TG: variants seen among roughly 807,000 people sequenced by gnomAD.
The protein encoded by TG is thyroglobulin, also known as thyroid hormones.
Under a neutral mutation model 324.7 loss-of-function variants are expected in TG, and 270 were observed. The ratio of observed to expected loss-of-function variants is 0.83; its 90% CI spans 0.75 to 0.92. The LOEUF is 0.92. Ranked by LOEUF, TG falls within the 40% of genes least tolerant of loss-of-function variation. The probability of loss-of-function intolerance (pLI) is 0.00; values close to 1 mark genes in which losing one functional copy is unlikely to be tolerated. For synonymous variants in TG, 1,401 were observed against 1,327.0 expected, an observed-to-expected ratio of 1.06 and a Z score of -1.21; for missense variants, 3,591 against 3,456.4, an observed-to-expected ratio of 1.04 and a Z score of -0.98.
intron 23 of TG, among the ~76,000 whole-genome samples, chr8:132,931,194 T>A (rs1326029828): frequency 6.6e-6 from 1 of 152,248 alleles, no homozygotes; most frequent in Non-Finnish European, 1.5e-5. Context: ...TATGTGTCTG[T>A]ATCCTAATCT....
At chr8:132,890,412 C>G (rs1816068747) in intron 10 of TG, among the ~76,000 whole-genome samples, 1 of 152,070 alleles carries the variant, frequency 6.6e-6, no homozygotes, top group Non-Finnish European at 1.5e-5. Context: ...GGGTTTGATA[C>G]TCAAAGTGTG....
At chr8:133,131,388 T>A (rs2130394719) in intron 45 of TG, among the ~76,000 whole-genome samples, 1 of 152,270 alleles carries the variant, frequency 6.6e-6, no homozygotes, top group South Asian at 2.1e-4. Context: ...AGAGTGTGAG[T>A]TGTATATGAA....
chr8:132,871,573 C>A, intron 4 of TG, 22 bp downstream of exon 4: 1 of 1,610,076 alleles, frequency 6.2e-7, no homozygotes, highest in Non-Finnish European at 8.5e-7. Context: ...TGAGCGCCTG[C>A]ACCCCTAGAG....
intron 26 of TG, among the ~76,000 whole-genome samples, chr8:132,942,650 C>G (rs1012057111): frequency 1.3e-5 from 2 of 152,146 alleles, no homozygotes. Flanking sequence ...CTCATTTATT[C>G]ATCGCTGCTG....
At chr8:132,883,142 C>T in intron 8 of TG, 143 bp downstream of exon 8, 2 of 825,686 alleles carry the variant, frequency 2.4e-6, no homozygotes, top group Non-Finnish European at 3.7e-6. Flanking sequence ...TGTCTGAGAA[C>T]CAGTTTATCA....
intron 43 of TG, among the ~76,000 whole-genome samples, chr8:133,112,503 A>G (rs993372833): frequency 6.6e-6 from 1 of 151,938 alleles, no homozygotes; most frequent in Non-Finnish European, 1.5e-5. Context: ...CAACACCAGA[A>G]CAAGGAAGGA....
chr8:133,005,094 G>C (rs1441936465), intron 35 of TG, among the ~76,000 whole-genome samples: 3 of 152,178 alleles, frequency 2.0e-5, no homozygotes, highest in South Asian at 2.1e-4. Context: ...GACAGTAATG[G>C]CTTCATTTTG....
chr8:133,080,305 C>T (rs979097325), intron 41 of TG, among the ~76,000 whole-genome samples: 2 of 152,162 alleles, frequency 1.3e-5, no homozygotes, highest in African/African-American at 4.8e-5. Context: ...AGTCTTTCCA[C>T]TCACTCTATG....
intron 25 of TG, among the ~76,000 whole-genome samples, chr8:132,939,799 C>T (rs1236874645): frequency 2.6e-5 from 4 of 152,152 alleles, no homozygotes; most frequent in South Asian, 4.2e-4. Flanking sequence ...GCCTCAGCCT[C>T]CTGAGTAGCT....
Position 133,134,657 on chromosome 8 carries a change from C to T in TG, c.8189-19C>T. The T allele has an allele frequency of 6.2e-7, 1 of 1,610,632 alleles. No individual in the cohort carries two copies. Among genetic ancestry groups the T allele is most frequent in the Non-Finnish European group, 8.5e-7 (1 of 1,176,970 alleles). ...TCCTAATCTGGCTTGGACCAACCTT[C>T]CTTGCCCCTCTGTTTCAGATGGAGC... On this transcript the variant is annotated intron_variant, in intron 47 of 47. Coordinates refer to ENST00000220616, the MANE Select transcript of TG (RefSeq NM_003235.5).
chr8:133,033,347 A>C (rs1836805100), intron 41 of TG, among the ~76,000 whole-genome samples: 1 of 152,178 alleles, frequency 6.6e-6, no homozygotes, highest in Admixed American at 6.5e-5. Flanking sequence ...ACCCGTCCTG[A>C]GGCCAGGCTG....
chr8:133,069,468 A>C (rs1350470275), intron 41 of TG, among the ~76,000 whole-genome samples: 1 of 152,058 alleles, frequency 6.6e-6, no homozygotes, highest in African/African-American at 2.4e-5. Context: ...GATCTCCATG[A>C]TGTTTTTAAT....
intron 26 of TG, among the ~76,000 whole-genome samples, chr8:132,947,262 G>A (rs527980323): frequency 3.3e-5 from 5 of 152,048 alleles, no homozygotes; most frequent in African/African-American, 9.7e-5. Context: ...AATGCACCCC[G>A]CCCCATACAC....
Position 132,867,005 on chromosome 8 carries a change from C to G in TG, c.5C>G (p.Ala2Gly). The G allele has an allele frequency of 6.3e-7, 1 of 1,594,818 alleles. No homozygotes were observed. The highest frequency in any genetic ancestry group is 8.6e-7 in the Non-Finnish European group (1 of 1,169,050). ...CTCCCAGGAAGGGCCAGGAAAATGG[C>G]CCTGGTCCTGGAGATCTTCACCCTG... MALVLEIFTLLA... is the reference protein window; with the variant it reads MGLVLEIFTLLA... The change falls in exon 1 of 48, where the codon GCC (alanine) becomes GGC (glycine). Residue 2 changes from alanine (A) to glycine (G), a missense_variant. Physicochemically the swap from Ala to Gly is moderately conservative, Grantham distance 60 (BLOSUM62 0). Coordinates refer to ENST00000220616, the MANE Select transcript of TG (RefSeq NM_003235.5).
intron 45 of TG, among the ~76,000 whole-genome samples, chr8:133,125,734 G>C (rs924554193): frequency 6.6e-6 from 1 of 152,164 alleles, no homozygotes; most frequent in Admixed American, 6.6e-5. Context: ...GGCTGAGTGC[G>C]CGCTAGGACA....
At chr8:132,937,737 C>T (rs1043258338) in intron 25 of TG, among the ~76,000 whole-genome samples, 2 of 148,898 alleles carry the variant, frequency 1.3e-5, no homozygotes, top group Non-Finnish European at 3.0e-5. Context: ...TTAAAAAATG[C>T]AATTGTATTT....
At chr8:133,018,891 G>A (rs1835303519) in intron 38 of TG, among the ~76,000 whole-genome samples, 1 of 152,200 alleles carries the variant, frequency 6.6e-6, no homozygotes, top group Non-Finnish European at 1.5e-5. Flanking sequence ...GGTGATAAGG[G>A]CTTCAGCTAG....
rs1828603085 is a variant in TG at position 132,966,612 on chromosome 8, T to C, written c.5601T>C (p.Asn1867=). 1 of 1,614,124 alleles carries C rather than the reference T, an allele frequency of 6.2e-7. No homozygotes were observed. Among genetic ancestry groups the C allele is most frequent in the Non-Finnish European group, 8.5e-7 (1 of 1,180,008 alleles). The change falls in exon 30 of 48, where the codon AAT becomes AAC. Residue 1867 remains asparagine, a synonymous_variant. Coordinates refer to ENST00000220616, the MANE Select transcript of TG (RefSeq NM_003235.5). ...SPVDLNQVIV[N]GNQSLSSQKH... ...TGGACCTCAACCAGGTCATTGTCAATGGAAATCAATCACTATCCAGCCAGA... is the reference window on the plus strand; with the variant it reads ...TGGACCTCAACCAGGTCATTGTCAACGGAAATCAATCACTATCCAGCCAGA...
chr8:133,133,721 C>T (rs971478888), intron 47 of TG, 61 bp downstream of exon 47: 53 of 1,564,902 alleles, frequency 3.4e-5, no homozygotes, highest in Middle Eastern at 1.7e-4. Context: ...CTGCTGTGCT[C>T]GCTGCATGAG....
Sources: gnomAD v4.1 joint callset for allele counts (sites outside exome capture counted in the v4.1 genomes callset) on GRCh38, gnomAD v4.1.1 for gene constraint, MANE v1.5 for transcripts, NCBI Gene and HGNC (gene_info 2026-07-23, HGNC 2026-07-21) for gene names.